ARFGEF3: variants seen among roughly 807,000 people sequenced by gnomAD.
The protein encoded by ARFGEF3 is brefeldin A-inhibited guanine nucleotide-exchange protein 3.
Under a neutral mutation model 221.7 loss-of-function variants are expected in ARFGEF3, and 96 were observed. That is an observed-to-expected ratio of 0.43 (90% CI 0.37 to 0.51). The LOEUF (loss-of-function observed/expected upper bound fraction) is 0.51. Ranked by LOEUF, ARFGEF3 falls within the 20% of genes least tolerant of loss-of-function variation. The probability of loss-of-function intolerance (pLI) is 0.00; values close to 1 mark genes in which losing one functional copy is unlikely to be tolerated. For missense variants in ARFGEF3, 2,410 were observed against 2,789.9 expected (o/e 0.86, Z 3.07); for synonymous variants, 1,145 against 1,126.8 (o/e 1.02, Z -0.32).
At chr6:138,226,073 C>T (rs1778079075) in intron 4 of ARFGEF3, among the ~76,000 whole-genome samples, 8 of 152,218 alleles carry the variant, frequency 5.3e-5, no homozygotes. Flanking sequence ...CCTGACATCA[C>T]AGCCTCTGCT....
At chr6:138,297,593 A>G (rs1014782814) in intron 21 of ARFGEF3, among the ~76,000 whole-genome samples, 6 of 152,244 alleles carry the variant, frequency 3.9e-5, no homozygotes, top group Non-Finnish European at 4.4e-5. Context: ...GAGATAAATC[A>G]TAAAATATTT....
In ARFGEF3 at chr6:138,319,833, GT is replaced by G; in HGVS notation, c.4606del (p.Ser1536ProfsTer22). 6.2e-7 allele frequency: 1 copy of G among 1,614,038 alleles called. No homozygotes were observed. The highest frequency in any genetic ancestry group is 8.5e-7 in the Non-Finnish European group (1 of 1,179,898). On this transcript the variant is annotated frameshift_variant, in exon 28 of 34. Coordinates refer to ENST00000251691, the MANE Select transcript of ARFGEF3 (RefSeq NM_020340.5). LOFTEE classifies it high-confidence loss of function. The stretch of plus-strand genomic sequence containing the variant: ...CCAATTTCAAGCACGCTATTGGTCT[GT>G]CCTGTGAGCTGGTGGTGGAGCACAT... ...SANFKHAIGL[S>X]CELVVEHIQS... is the part of the protein sequence containing the mutation.
chr6:138,168,745 A>G (rs751815882), intron 1 of ARFGEF3, among the ~76,000 whole-genome samples: 2 of 152,190 alleles, frequency 1.3e-5, no homozygotes, highest in African/African-American at 4.8e-5. Flanking sequence ...TATCTACTTT[A>G]AATAAATCAT....
intron 15 of ARFGEF3, among the ~76,000 whole-genome samples, chr6:138,286,467 GAAAA>G (rs1779296913): frequency 6.8e-6 from 1 of 147,666 alleles, no homozygotes; most frequent in Non-Finnish European, 1.5e-5. Context: ...AAAAAAAAAA[GAAAA>G]AGAAAAAGTA....
In ARFGEF3 at chr6:138,335,141, G is replaced by A. The variant is rs1170295395; in HGVS notation, c.6295G>A (p.Gly2099Arg). The change falls in exon 33 of 34, where the codon GGG becomes AGG. Residue 2099 changes from glycine to arginine, a missense_variant. Coordinates refer to ENST00000251691, the MANE Select transcript of ARFGEF3 (RefSeq NM_020340.5). ...CAAGAGGCCCCGCTCAGGCTCCACC[G>A]GGAGCTCCCTCAGTGTCTCGGTGAG... ...QDKRPRSGST[G>R]SSLSVSVRDA... 1 of 1,589,376 alleles carries A rather than the reference G, an allele frequency of 6.3e-7. No individual in the cohort carries two copies. The highest frequency in any genetic ancestry group is 8.5e-7 in the Non-Finnish European group (1 of 1,170,972).
At chr6:138,255,154 A>G (rs538066531) in intron 9 of ARFGEF3, among the ~76,000 whole-genome samples, 1 of 152,356 alleles carries the variant, frequency 6.6e-6, no homozygotes, top group South Asian at 2.1e-4. Context: ...ATGAAACTTT[A>G]TAACAGCCAT....
At chr6:138,276,518 G>A (rs145235861) in intron 12 of ARFGEF3, among the ~76,000 whole-genome samples, 19 of 152,020 alleles carry the variant, frequency 1.2e-4, no homozygotes, top group African/African-American at 3.9e-4. Flanking sequence ...AAAGATAGTG[G>A]GGAGAAAGTC....
intron 11 of ARFGEF3, 83 bp from the exon 12 acceptor site, chr6:138,262,618 C>T (rs1778814365): frequency 1.5e-5 from 21 of 1,378,690 alleles, no homozygotes; most frequent in Non-Finnish European, 2.0e-5. Flanking sequence ...TTGCTGTTTG[C>T]CAGGCTAACA....
At chr6:138,194,948 G>A (rs1444333946) in intron 2 of ARFGEF3, among the ~76,000 whole-genome samples, 1 of 146,400 alleles carries the variant, frequency 6.8e-6, no homozygotes, top group Non-Finnish European at 1.5e-5. Flanking sequence ...TAGAGCATGT[G>A]CATGTACTTG....
chr6:138,181,444 T>C (rs1777077787), intron 2 of ARFGEF3, among the ~76,000 whole-genome samples: 1 of 152,148 alleles, frequency 6.6e-6, no homozygotes. Flanking sequence ...TCCTTTTTGT[T>C]TTGTTTTGTT....
chr6:138,287,330 G>T, intron 17 of ARFGEF3, 146 bp downstream of exon 17: 1 of 642,094 alleles, frequency 1.6e-6, no homozygotes. Context: ...AGATCCCATT[G>T]AGCCACAGGC....
chr6:138,336,144 A>T (rs1051480272), intron 33 of ARFGEF3, 151 bp from the exon 34 acceptor site: 2 of 497,980 alleles, frequency 4.0e-6, no homozygotes, highest in African/African-American at 4.0e-5. Flanking sequence ...ATACGCCTAC[A>T]ATTTATTATA....
chr6:138,278,039 T>C (rs1779128100), intron 12 of ARFGEF3, among the ~76,000 whole-genome samples: 1 of 152,052 alleles, frequency 6.6e-6, no homozygotes, highest in Non-Finnish European at 1.5e-5. Flanking sequence ...CAGCAGGCAG[T>C]CAGGGTGGCT....
chr6:138,331,038 C>A (rs1357527941), intron 32 of ARFGEF3, among the ~76,000 whole-genome samples: 1 of 152,112 alleles, frequency 6.6e-6, no homozygotes, highest in Admixed American at 6.5e-5. Flanking sequence ...ATTTCTAATT[C>A]ACATTCAGCC....
intron 20 of ARFGEF3, among the ~76,000 whole-genome samples, chr6:138,295,751 C>T (rs954409872): frequency 6.6e-6 from 1 of 152,108 alleles, no homozygotes; most frequent in Non-Finnish European, 1.5e-5. Context: ...GTTGAGTATC[C>T]CTAATCCAAA....
rs759412796 is a variant in ARFGEF3, at chr6:138,334,208, C to T, written c.5362C>T (p.Pro1788Ser). The change falls in exon 33 of 34, where the codon CCC (proline) becomes TCC (serine). Residue 1788 changes from proline (P) to serine (S), a missense_variant. Pro to Ser is a moderately conservative substitution (Grantham distance 74). Coordinates refer to ENST00000251691, the MANE Select transcript of ARFGEF3 (RefSeq NM_020340.5). This position sits in a 1 kb window ranked among gnomAD's most constrained non-coding sequence, Gnocchi z 5.1. The stretch of plus-strand genomic sequence containing the variant: ...GACTGCCAGGGAGTTTGACACCAGC[C>T]CCGGGCTGAAGTGCCTGCTGAAGAA... ...YRTAREFDTS[P>S]GLKCLLKKVS... 2.5e-6 allele frequency: 4 copies of T among 1,613,794 alleles called. No individual in the cohort carries two copies. The highest frequency in any genetic ancestry group is 2.7e-5 in the African/African-American group (2 of 74,918).
intron 8 of ARFGEF3, among the ~76,000 whole-genome samples, chr6:138,251,528 G>C (rs1234343607): frequency 2.0e-5 from 3 of 152,116 alleles, no homozygotes; most frequent in Non-Finnish European, 4.4e-5. Flanking sequence ...CTGAAATACA[G>C]ATCTGGTCAT....
intron 4 of ARFGEF3, among the ~76,000 whole-genome samples, chr6:138,214,179 C>A (rs1347140401): frequency 6.6e-6 from 1 of 152,090 alleles, no homozygotes; most frequent in Non-Finnish European, 1.5e-5. Flanking sequence ...TTTGCTAATA[C>A]CATTACTGTA....
At chr6:138,213,721 T>C (rs377419987) in intron 4 of ARFGEF3, among the ~76,000 whole-genome samples, 2 of 151,990 alleles carry the variant, frequency 1.3e-5, no homozygotes, top group East Asian at 3.9e-4. Flanking sequence ...ATAGGAAACA[T>C]ACCATTATTT....
Sources: gnomAD v4.1 joint callset for allele counts (sites outside exome capture counted in the v4.1 genomes callset) on GRCh38, gnomAD v4.1.1 for gene constraint, Gnocchi (gnomAD v3.1) non-coding constraint, MANE v1.5 for transcripts, NCBI Gene and HGNC (gene_info 2026-07-23, HGNC 2026-07-21) for gene names.